Variants in SPP2 observed in about 807,000 individuals in gnomAD.
SPP2 encodes the protein secreted phosphoprotein 2.
A neutral mutation model predicts 28.8 loss-of-function variants in SPP2; 34 were observed. That is an observed-to-expected ratio of 1.18 (90% CI 0.90 to 1.57). The LOEUF (loss-of-function observed/expected upper bound fraction) is 1.57, where lower values mean the gene tolerates loss of function less well. Ranked by LOEUF, SPP2 falls within the 40% of genes most tolerant of loss-of-function variation. The probability of loss-of-function intolerance (pLI) is 0.00; values close to 1 mark genes in which losing one functional copy is unlikely to be tolerated. For synonymous variants in SPP2, 96 were observed against 89.4 expected (o/e 1.07, Z -0.42); for missense variants, 269 against 263.9 (o/e 1.02, Z -0.13).
intron 2 of SPP2, among the ~76,000 whole-genome samples, 194 bp downstream of exon 2, chr2:234,051,289 C>T (rs1052254740): frequency 2.0e-5 from 3 of 152,178 alleles, no homozygotes; most frequent in Non-Finnish European, 2.9e-5. Flanking sequence ...ATCCAAACCA[C>T]TTTTGATGAC....
intron 5 of SPP2, 54 bp downstream of exon 5, chr2:234,066,641 C>T: frequency 1.5e-6 from 2 of 1,346,650 alleles, no homozygotes; most frequent in Non-Finnish European, 2.1e-6. Context: ...CTCCATATTG[C>T]AACTCTTTGT....
At chr2:234,060,129 G>A (rs981358904) in intron 3 of SPP2, among the ~76,000 whole-genome samples, 3 of 152,120 alleles carry the variant, frequency 2.0e-5, no homozygotes. Flanking sequence ...GCACTCATGG[G>A]GGAAATGTTT....
intron 6 of SPP2, among the ~76,000 whole-genome samples, chr2:234,068,004 G>C (rs955490639): frequency 6.6e-6 from 1 of 151,784 alleles, no homozygotes; most frequent in Non-Finnish European, 1.5e-5. Flanking sequence ...TTTTGATACA[G>C]GCATACAATG....
At chr2:234,053,324 TAAG>T (rs1179869591) in intron 2 of SPP2, among the ~76,000 whole-genome samples, 2 of 152,204 alleles carry the variant, frequency 1.3e-5, no homozygotes, top group Non-Finnish European at 2.9e-5. Context: ...GTTTCACTTC[TAAG>T]AATATGTTCA....
At position 234,051,907 on chromosome 2, in the gene SPP2, G is replaced by T. The variant is rs1033687255; in HGVS notation, c.210+812G>T. Reference sequence around the variant, plus strand: ...GATGGACATTGCTTTCTCTCTGTCTGCCTGCTGCCTTCTCCCATCCCTCCT... The same window carrying T: ...GATGGACATTGCTTTCTCTCTGTCTTCCTGCTGCCTTCTCCCATCCCTCCT... On this transcript the variant is annotated intron_variant, in intron 2 of 7. Coordinates refer to ENST00000168148, the MANE Select transcript of SPP2 (RefSeq NM_006944.3). Among the ~76,000 whole-genome samples the T allele has an allele frequency of 1.1e-4, 17 of 152,258 alleles. 1 individual carries two copies. Among genetic ancestry groups the T allele is most frequent in the African/African-American group, 3.8e-4 (16 of 41,560 alleles).
rs756319169 is a variant in SPP2, at chr2:234,067,202, T to C, written c.500-22T>C. ...TGGAACAGTGAGAGGAGTCTTGTCT[T>C]ATGATTATTACTGTGTTACAGGTCT... On this transcript the variant is annotated intron_variant, in intron 5 of 7. Transcript: ENST00000168148. The C allele has an allele frequency of 1.3e-5, 21 of 1,609,894 alleles. No homozygotes were observed. In the East Asian group the frequency reaches 4.0e-4, roughly 31 times the overall value.
intron 4 of SPP2, among the ~76,000 whole-genome samples, chr2:234,063,713 G>T (rs983677959): frequency 1.3e-5 from 2 of 152,158 alleles, no homozygotes. Flanking sequence ...TGCTGAAATG[G>T]TACAATGTAT....
At chr2:234,057,776 C>T (rs772596209) in intron 2 of SPP2, among the ~76,000 whole-genome samples, 6 of 152,214 alleles carry the variant, frequency 3.9e-5, no homozygotes, top group Non-Finnish European at 5.9e-5. Flanking sequence ...CATATCAGAA[C>T]TGCTCAAGCA....
At position 234,051,168 on chromosome 2, in the gene SPP2, C is replaced by G. The variant is rs1313057571; in HGVS notation, c.210+73C>G. 4 of 1,552,372 alleles carry G rather than the reference C, an allele frequency of 2.6e-6. No homozygotes were observed. The South Asian group carries it at 3.6e-5, about 14-fold the overall frequency. On this transcript the variant is annotated intron_variant, in intron 2 of 7. Transcript: ENST00000168148. ...GCCTTTTGTCAGTTCATTGGATATA[C>G]TTTTAAGAAATTTTCTCCAGTTTAA...
At chr2:234,075,578 T>C (rs1324513027) in intron 7 of SPP2, among the ~76,000 whole-genome samples, 1 of 152,176 alleles carries the variant, frequency 6.6e-6, no homozygotes, top group Non-Finnish European at 1.5e-5. Context: ...CTTCTTACTC[T>C]TCACAGACCG....
intron 2 of SPP2, among the ~76,000 whole-genome samples, chr2:234,054,994 G>A (rs1368489435): frequency 1.3e-5 from 2 of 152,106 alleles, no homozygotes; most frequent in African/African-American, 2.4e-5. Flanking sequence ...TTCTCAGCTA[G>A]CCATTTCTGA....
At chr2:234,057,799 T>A (rs1693637692) in intron 2 of SPP2, among the ~76,000 whole-genome samples, 1 of 152,268 alleles carries the variant, frequency 6.6e-6, no homozygotes, top group Non-Finnish European at 1.5e-5. Flanking sequence ...AAGCTAGGGC[T>A]GGAGAATAGT....
intron 2 of SPP2, among the ~76,000 whole-genome samples, chr2:234,051,924 A>G (rs1693506246): frequency 6.6e-6 from 1 of 152,138 alleles, no homozygotes; most frequent in Non-Finnish European, 1.5e-5. Context: ...GCCTTCTCCC[A>G]TCCCTCCTGG....
chr2:234,073,881 A>G (rs1038627651), intron 7 of SPP2, among the ~76,000 whole-genome samples: 11 of 152,314 alleles, frequency 7.2e-5, no homozygotes, highest in African/African-American at 2.6e-4. Context: ...AATCATTCTC[A>G]TGATTTTATC....
chr2:234,058,135 C>T (rs759863784), intron 2 of SPP2, among the ~76,000 whole-genome samples: 13 of 152,158 alleles, frequency 8.5e-5, no homozygotes, highest in African/African-American at 2.9e-4. Context: ...ATTGAACTCA[C>T]GACCAACAGC....
chr2:234,076,648 C>T (rs758141187), intron 7 of SPP2, among the ~76,000 whole-genome samples, 197 bp from the exon 8 acceptor site: 2 of 152,114 alleles, frequency 1.3e-5, no homozygotes, highest in African/African-American at 2.4e-5. Context: ...GGCCAACCTA[C>T]TCTTTTGCTT....
At chr2:234,075,924 C>A (rs934642678) in intron 7 of SPP2, among the ~76,000 whole-genome samples, 3 of 152,210 alleles carry the variant, frequency 2.0e-5, no homozygotes, top group South Asian at 2.1e-4. Context: ...CCCCACCTCA[C>A]CCAGTTGGTC....
intron 4 of SPP2, among the ~76,000 whole-genome samples, chr2:234,061,847 T>C (rs1338918802): frequency 6.6e-6 from 1 of 152,342 alleles, no homozygotes; most frequent in Non-Finnish European, 1.5e-5. Flanking sequence ...CACTGGCAAC[T>C]TTCGAAGGTC....
intron 4 of SPP2, among the ~76,000 whole-genome samples, chr2:234,066,220 TAGTCTGTGTGCA>T (rs1403897922): frequency 6.6e-6 from 1 of 152,180 alleles, no homozygotes; most frequent in Non-Finnish European, 1.5e-5. Flanking sequence ...GATCTAAACT[TAGTCTGTGTGCA>T]AGTCTGTGTA....
Sources: allele counts gnomAD v4.1 joint callset (sites outside exome capture counted in the v4.1 genomes callset), GRCh38; gene constraint gnomAD v4.1.1; transcripts MANE v1.5; gene names NCBI Gene and HGNC (gene_info 2026-07-23, HGNC 2026-07-21).